Variants in NIT1 observed in about 807,000 individuals in gnomAD.
The protein encoded by NIT1 is nitrilase 1.
A neutral mutation model predicts 36.8 loss-of-function variants in NIT1; 30 were observed. That is an observed-to-expected ratio of 0.82 (90% CI 0.61 to 1.11). The LOEUF (loss-of-function observed/expected upper bound fraction) is 1.11. NIT1 is among the 50% of genes least tolerant of loss of function. NIT1 has a pLI of 0.00. For missense variants in NIT1, 438 were observed against 410.6 expected (o/e 1.07, Z -0.58); for synonymous variants, 151 against 155.6 (o/e 0.97, Z 0.22).
downstream of NIT1, chr1:161,121,970 TG>T: frequency 1.3e-6 from 1 of 750,924 alleles, no homozygotes. Context: ...CCCAGGCACA[TG>T]GGTGCAGGGA....
intron 1 of NIT1, chr1:161,118,457 T>G: frequency 6.5e-7 from 1 of 1,536,090 alleles, no homozygotes; most frequent in Non-Finnish European, 8.7e-7. Flanking sequence ...AAGTGCACAG[T>G]CAAGGAGAGA....
downstream of NIT1, chr1:161,122,597 G>GA (rs1655628025): frequency 6.5e-7 from 1 of 1,535,724 alleles, no homozygotes; most frequent in African/African-American, 1.4e-5. This position sits in a 1 kb window ranked among gnomAD's most constrained non-coding sequence, Gnocchi z 4.2. Flanking sequence ...CTTGAAAACT[G>GA]AAAAGCACAA....
At chr1:161,120,364 T>C in intron 6 of NIT1, 132 bp downstream of exon 6, 6 of 1,444,346 alleles carry the variant, frequency 4.2e-6, no homozygotes, top group South Asian at 3.9e-5. Flanking sequence ...CTCTCATGAA[T>C]AGTTAAAATA....
At chr1:161,123,426 T>C (rs190909034), downstream of NIT1, among the ~76,000 whole-genome samples, 2 of 152,076 alleles carry the variant, frequency 1.3e-5, no homozygotes, top group African/African-American at 2.4e-5. Flanking sequence ...GATCATGAGG[T>C]CAGGAGATCG....
At chr1:161,124,262 G>A, downstream of NIT1, 1 of 1,614,234 alleles carries the variant, frequency 6.2e-7, no homozygotes. Flanking sequence ...GTGCCAATAA[G>A]AAGTCACGTC....
chr1:161,120,418 G>C, intron 6 of NIT1, 81 bp from the exon 7 acceptor site: 2 of 1,509,288 alleles, frequency 1.3e-6, no homozygotes, highest in South Asian at 1.2e-5. Flanking sequence ...ACAATGGGTA[G>C]ATTGGTCTGT....
In NIT1 at chr1:161,120,600, G is replaced by A. The variant is rs772746414; in HGVS notation, c.819G>A (p.Met273Ile). Residue 273 changes from methionine (M) to isoleucine (I), a missense_variant, in exon 7 of 7, where the codon ATG becomes ATA. Physicochemically the swap from Met to Ile is conservative, Grantham distance 10 (BLOSUM62 1). Coordinates refer to ENST00000368009, the MANE Select transcript of NIT1 (RefSeq NM_005600.3). ...AGAGAGCAAGTTATGGCCACAGCAT[G>A]GTGGTAGACCCCTGGGGAACAGTGG... ...HEKRASYGHS[M>I]VVDPWGTVVA... 13 of 1,614,218 alleles carry A rather than the reference G, an allele frequency of 8.1e-6. No homozygotes were observed. The highest frequency in any genetic ancestry group is 1.1e-5 in the Non-Finnish European group (13 of 1,180,040).
downstream of NIT1, chr1:161,123,360 C>A: frequency 1.2e-6 from 1 of 866,486 alleles, no homozygotes; most frequent in Non-Finnish European, 1.8e-6. Flanking sequence ...ACATGTGAGA[C>A]CAGGTGCAGT....
chr1:161,118,176 C>G lies in NIT1; in HGVS notation c.-1C>G. 6.2e-7 allele frequency: 1 copy of G among 1,614,102 alleles called. No homozygotes were observed. Among genetic ancestry groups the G allele is most frequent in the Non-Finnish European group, 8.5e-7 (1 of 1,179,954 alleles). On this transcript the variant is annotated splice_region_variant and 5_prime_UTR_variant, in exon 1 of 7. Coordinates refer to ENST00000368009, the MANE Select transcript of NIT1 (RefSeq NM_005600.3). ...CTGCGAATGGTTTTGGCTATATCTT[C>G]ATGTAGGACCTACTCCCTATCCCGT...
chr1:161,118,215 TC>T (rs1263796759), intron 1 of NIT1, 37 bp downstream of exon 1: 1 of 1,613,834 alleles, frequency 6.2e-7, no homozygotes. Context: ...CCGCGGTGAA[TC>T]CCACCTGCGG....
intron 1 of NIT1, 23 bp from the exon 2 acceptor site, chr1:161,118,763 T>C: frequency 1.3e-6 from 2 of 1,561,256 alleles, no homozygotes; most frequent in Non-Finnish European, 1.8e-6. Context: ...GGGGTTGGTG[T>C]CCTCATATCT....
chr1:161,121,370 A>T (rs1175471583), downstream of NIT1: 2 of 169,146 alleles, frequency 1.2e-5, no homozygotes, highest in East Asian at 1.9e-4. Flanking sequence ...ACATGGAAAG[A>T]AAGTGTCACA....
downstream of NIT1, chr1:161,123,194 C>T (rs1261001193): frequency 1.2e-6 from 2 of 1,614,026 alleles, no homozygotes; most frequent in Admixed American, 1.7e-5. Context: ...CGAAGTGGGG[C>T]AACACACCAC....
chr1:161,119,596 G>C lies in NIT1; in HGVS notation c.441G>C (p.Val147=). ...EQTQKIYNCH[V]LLNSKGAVVA... ...CTCAGAAAATCTACAATTGTCACGT[G>C]CTGCTGAACAGCAAAGGTGAGACTT... The change falls in exon 4 of 7, where the codon GTG becomes GTC. Residue 147 remains valine (V), a synonymous_variant. Coordinates refer to ENST00000368009, the MANE Select transcript of NIT1 (RefSeq NM_005600.3). 1.2e-6 allele frequency: 2 copies of C among 1,614,068 alleles called. No homozygotes were observed. The highest frequency in any genetic ancestry group is 8.5e-7 in the Non-Finnish European group (1 of 1,179,938).
At chr1:161,121,973 G>A, downstream of NIT1, 1 of 793,246 alleles carries the variant, frequency 1.3e-6, no homozygotes, top group Non-Finnish European at 2.0e-6. Flanking sequence ...AGGCACATGG[G>A]TGCAGGGAGG....
downstream of NIT1, among the ~76,000 whole-genome samples, chr1:161,123,635 CAAA>C (rs35678373): frequency 4.5e-5 from 4 of 88,926 alleles, no homozygotes. Context: ...GACTCTGTCT[CAAA>C]AAAAAAAAAA....
intron 1 of NIT1, chr1:161,118,540 C>T: frequency 6.5e-7 from 1 of 1,536,174 alleles, no homozygotes; most frequent in East Asian, 2.4e-5. Context: ...AGGAAAGAGG[C>T]TTCAGTTTAA....
downstream of NIT1, chr1:161,123,958 G>T (rs1655861192): frequency 3.1e-6 from 5 of 1,612,600 alleles, no homozygotes; most frequent in African/African-American, 1.3e-5. Context: ...TGTAGGAGGA[G>T]AAGTAATCAT....
downstream of NIT1, chr1:161,123,989 C>T (rs762536775): frequency 5.0e-6 from 8 of 1,604,178 alleles, no homozygotes; most frequent in Non-Finnish European, 5.1e-6. Context: ...ATACACCCTT[C>T]CCTTCTGTCA....
Sources: gnomAD v4.1 joint callset for allele counts (sites outside exome capture counted in the v4.1 genomes callset) on GRCh38, gnomAD v4.1.1 for gene constraint, Gnocchi (gnomAD v3.1) non-coding constraint, MANE v1.5 for transcripts, NCBI Gene and HGNC (gene_info 2026-07-23, HGNC 2026-07-21) for gene names.